NWD1: variants seen among roughly 807,000 people sequenced by gnomAD.
The protein encoded by NWD1 is NACHT and WD repeat domain containing 1.
A neutral mutation model predicts 135.1 loss-of-function variants in NWD1; 129 were observed. The observed-to-expected ratio is 0.96, with a 90% confidence interval of 0.83 to 1.11. The LOEUF (loss-of-function observed/expected upper bound fraction) is 1.11, where lower values mean the gene tolerates loss of function less well. NWD1 is among the 50% of genes least tolerant of loss of function. NWD1 has a pLI of 0.00. For synonymous variants in NWD1, 773 were observed against 786.0 expected, an observed-to-expected ratio of 0.98 and a Z score of 0.28; for missense variants, 1,740 against 1,851.3, an observed-to-expected ratio of 0.94 and a Z score of 1.10.
chr19:16,786,755 C>T (rs1372252993), intron 12 of NWD1, among the ~76,000 whole-genome samples: 1 of 151,992 alleles, frequency 6.6e-6, no homozygotes, highest in Non-Finnish European at 1.5e-5. Flanking sequence ...CCTTGTTGGC[C>T]AGGCTGGTCT....
chr19:16,788,437 C>T lies in NWD1; in HGVS notation c.2732-545C>T, dbSNP rs562795341. ...AGAAAAAATTAGCCAGGCATGGCGG[C>T]AGGTGCCTGTAATCCCAGCTACATG... On this transcript the variant is annotated intron_variant, in intron 12 of 18. Coordinates refer to ENST00000524140, the MANE Select transcript of NWD1 (RefSeq NM_001007525.5). Among the ~76,000 whole-genome samples the T allele has an allele frequency of 2.0e-5, 3 of 150,768 alleles. No individual in the cohort carries two copies. In the East Asian group the frequency reaches 5.9e-4, roughly 30 times the overall value.
intron 12 of NWD1, among the ~76,000 whole-genome samples, chr19:16,783,268 C>G (rs1341495267): frequency 6.6e-6 from 1 of 152,088 alleles, no homozygotes; most frequent in African/African-American, 2.4e-5. Context: ...TTCCTGGTAT[C>G]AAGCCATCCT....
At chr19:16,748,310 G>A (rs1193989818) in intron 5 of NWD1, among the ~76,000 whole-genome samples, 1 of 152,060 alleles carries the variant, frequency 6.6e-6, no homozygotes, top group African/African-American at 2.4e-5. Context: ...GATTGTTTCT[G>A]TCTTTTGGCT....
intron 5 of NWD1, among the ~76,000 whole-genome samples, chr19:16,745,947 TAC>T: frequency 6.6e-6 from 1 of 151,878 alleles, no homozygotes; most frequent in East Asian, 1.9e-4. Context: ...TTAAATAAAA[TAC>T]AGTCTACCCT....
intron 3 of NWD1, among the ~76,000 whole-genome samples, chr19:16,734,939 AT>A (rs1967732395): frequency 6.6e-6 from 1 of 151,522 alleles, no homozygotes; most frequent in African/African-American, 2.4e-5. Flanking sequence ...CTTAATTTTT[AT>A]TTTTTTAGAG....
At chr19:16,797,982 A>T (rs1970477407) in intron 16 of NWD1, 96 bp downstream of exon 16, 2 of 1,217,118 alleles carry the variant, frequency 1.6e-6, no homozygotes, top group African/African-American at 3.0e-5. Context: ...AGACACCCAC[A>T]AAAATGAGTG....
At chr19:16,806,750 C>A (rs1448318807) in intron 17 of NWD1, among the ~76,000 whole-genome samples, 1 of 152,078 alleles carries the variant, frequency 6.6e-6, no homozygotes, top group African/African-American at 2.4e-5. Flanking sequence ...CGCGATGGCT[C>A]ATGCCTGTAA....
chr19:16,767,158 G>C (rs1275278073), intron 10 of NWD1, among the ~76,000 whole-genome samples: 1 of 137,710 alleles, frequency 7.3e-6, no homozygotes, highest in Non-Finnish European at 1.6e-5. Flanking sequence ...AGAAGGGAAA[G>C]AGGTGCGTCT....
intron 16 of NWD1, 44 bp from the exon 17 acceptor site, chr19:16,799,842 T>C: frequency 6.5e-7 from 1 of 1,533,888 alleles, no homozygotes; most frequent in East Asian, 2.3e-5. Context: ...ACTATAGTTG[T>C]CCACAGAAGA....
At chr19:16,721,975 T>G (rs1200141168) in intron 1 of NWD1, among the ~76,000 whole-genome samples, 1 of 151,946 alleles carries the variant, frequency 6.6e-6, no homozygotes, top group Non-Finnish European at 1.5e-5. Context: ...AAGCCTAGCA[T>G]GGTGGCACAT....
chr19:16,790,638 A>AAATAATAATAAAT (rs1555730369), intron 13 of NWD1, among the ~76,000 whole-genome samples: 22 of 56,966 alleles, frequency 3.9e-4, no homozygotes, highest in Middle Eastern at 0.011. Context: ...ACATTAAAAA[A>AAATAATAATAAAT]AAATAAATAA....
chr19:16,729,695 C>T (rs1004080205), intron 2 of NWD1, among the ~76,000 whole-genome samples: 3 of 151,388 alleles, frequency 2.0e-5, no homozygotes, highest in African/African-American at 7.3e-5. Flanking sequence ...ATGGTGAAAC[C>T]CCGTCTCTAC....
At chr19:16,796,663 T>C (rs1970425880) in intron 15 of NWD1, among the ~76,000 whole-genome samples, 1 of 151,950 alleles carries the variant, frequency 6.6e-6, no homozygotes, top group Non-Finnish European at 1.5e-5. Context: ...CTTCTTCCCC[T>C]TCTCATTTCT....
intron 1 of NWD1, among the ~76,000 whole-genome samples, chr19:16,722,255 T>C (rs143820605): frequency 0.017 from 2,560 of 150,376 alleles, 66 homozygotes; most frequent in African/African-American, 0.057. Context: ...GCCACAATAG[T>C]GCCACTGCAC....
intron 4 of NWD1, among the ~76,000 whole-genome samples, chr19:16,741,613 C>G (rs1338134193): frequency 6.6e-6 from 1 of 151,828 alleles, no homozygotes; most frequent in Admixed American, 6.6e-5. Flanking sequence ...AGGTGATCCA[C>G]CTGCCTCGGC....
In NWD1 at chr19:16,750,412, G is replaced by T; in HGVS notation, c.1769+1G>T. 1 of 1,540,944 alleles carries T rather than the reference G, an allele frequency of 6.5e-7. No homozygotes were observed. Among genetic ancestry groups the T allele is most frequent in the Non-Finnish European group, 8.7e-7 (1 of 1,147,078 alleles). On this transcript the variant is annotated splice_donor_variant, in intron 6 of 18. Coordinates refer to ENST00000524140, the MANE Select transcript of NWD1 (RefSeq NM_001007525.5). LOFTEE classifies it high-confidence loss of function. ...TGCTGGGCTACATTGTGTCTTCCCG[G>T]TAAGTCTCTGTGTTTTGAAACTCTT...
At chr19:16,764,942 C>T in intron 9 of NWD1, 92 bp from the exon 10 acceptor site, 3 of 1,381,902 alleles carry the variant, frequency 2.2e-6, no homozygotes, top group Non-Finnish European at 3.0e-6. Context: ...CCTGAGATGC[C>T]CTGGAGGAAA....
Position 16,789,210 on chromosome 19 carries a change from T to C in NWD1, c.2940+20T>C. The C allele has an allele frequency of 6.3e-7, 1 of 1,591,092 alleles. No homozygotes were observed. Among genetic ancestry groups the C allele is most frequent in the East Asian group, 2.2e-5 (1 of 44,778 alleles). ...TCAAAGGTAACAAACATATGCCCTGTTTGTAAAGGAAAGCTGAGACCAGAG... is the reference window on the plus strand; with the variant it reads ...TCAAAGGTAACAAACATATGCCCTGCTTGTAAAGGAAAGCTGAGACCAGAG... On this transcript the variant is annotated intron_variant, in intron 13 of 18. Coordinates refer to ENST00000524140, the MANE Select transcript of NWD1 (RefSeq NM_001007525.5).
Position 16,749,769 on chromosome 19 carries a change from C to CA in NWD1, c.1128dup (p.Gln377ThrfsTer65). On this transcript the variant is annotated frameshift_variant, in exon 6 of 19. Coordinates refer to ENST00000524140, the MANE Select transcript of NWD1 (RefSeq NM_001007525.5). LOFTEE classifies it high-confidence loss of function. ...ACCGTCCTGCGGCTGCTGGGGACGT[C>CA]ACAAATGAGCTCAGATGCCCGTGGC... The CA allele has an allele frequency of 6.2e-7, 1 of 1,606,946 alleles. No homozygotes were observed. The highest frequency in any genetic ancestry group is 8.5e-7 in the Non-Finnish European group (1 of 1,176,140).
Sources: gnomAD v4.1 joint callset for allele counts (sites outside exome capture counted in the v4.1 genomes callset) on GRCh38, gnomAD v4.1.1 for gene constraint, MANE v1.5 for transcripts, NCBI Gene and HGNC (gene_info 2026-07-23, HGNC 2026-07-21) for gene names.